The following TMEM244 variants were observed in gnomAD, a reference collection of about 807,000 sequenced individuals.
TMEM244 encodes the protein putative transmembrane protein 244.
TMEM244 carries 13 observed loss-of-function variants against 15.8 expected under a neutral mutation model. The ratio of observed to expected loss-of-function variants is 0.82; its 90% CI spans 0.53 to 1.30. The LOEUF is 1.30. TMEM244 is among the 50% of genes most tolerant of loss of function. The pLI is 0.00. For synonymous variants in TMEM244, 45 were observed against 48.7 expected (o/e 0.92, Z 0.32); for missense variants, 161 against 144.9 (o/e 1.11, Z -0.57).
intron 3 of TMEM244, among the ~76,000 whole-genome samples, chr6:129,835,249 C>T (rs1776386956): frequency 6.6e-6 from 1 of 151,972 alleles, no homozygotes; most frequent in African/African-American, 2.4e-5. Flanking sequence ...TTGAAAAAAA[C>T]TTAGCCTGGC....
chr6:129,838,288 A>C (rs1189148337), intron 3 of TMEM244, among the ~76,000 whole-genome samples: 2 of 152,234 alleles, frequency 1.3e-5, no homozygotes, highest in East Asian at 1.9e-4. Flanking sequence ...AACTCACTCA[A>C]AACCTCACAA....
chr6:129,838,823 A>T (rs1165528303), intron 3 of TMEM244, among the ~76,000 whole-genome samples: 1 of 152,220 alleles, frequency 6.6e-6, no homozygotes, highest in African/African-American at 2.4e-5. Context: ...AAACTAGAAA[A>T]TCTAGAAGAA....
rs61396594 is a variant in TMEM244, at chr6:129,856,597, A to T, written c.33+4559T>A. On this transcript the variant is annotated intron_variant, in intron 1 of 4. Coordinates refer to ENST00000368143, the MANE Select transcript of TMEM244 (RefSeq NM_001010876.2). ...TTTCACAGGTGTTGCAAATGTTCAA[A>T]TGTATAAACTTGTAAATATTAAATA... is the stretch of plus-strand genomic sequence containing the variant. Among the ~76,000 whole-genome samples, 972 of 152,256 alleles carry T rather than the reference A, an allele frequency of 6.4e-3. 15 individuals carry two copies. The highest frequency in any genetic ancestry group is 0.022 in the African/African-American group (933 of 41,558).
chr6:129,838,827 A>C (rs1029201435), intron 3 of TMEM244, among the ~76,000 whole-genome samples: 10 of 152,356 alleles, frequency 6.6e-5, no homozygotes, highest in Non-Finnish European at 8.8e-5. Flanking sequence ...TAGAAAATCT[A>C]GAAGAAATGG....
At chr6:129,852,985 G>A (rs897800054) in intron 1 of TMEM244, among the ~76,000 whole-genome samples, 3 of 152,064 alleles carry the variant, frequency 2.0e-5, no homozygotes, top group Non-Finnish European at 4.4e-5. Context: ...GTCTATTGAT[G>A]GAGCTCATTT....
chr6:129,847,800 G>A (rs1190203649), intron 1 of TMEM244, among the ~76,000 whole-genome samples: 2 of 140,628 alleles, frequency 1.4e-5, no homozygotes, highest in African/African-American at 5.3e-5. Context: ...TTGAGACAGA[G>A]TTTTGCTTTT....
At chr6:129,852,314 C>A (rs899441484) in intron 1 of TMEM244, among the ~76,000 whole-genome samples, 20 of 152,012 alleles carry the variant, frequency 1.3e-4, no homozygotes, top group African/African-American at 3.4e-4. Flanking sequence ...TGAGGAACAT[C>A]CCTAGGGGAT....
chr6:129,845,782 C>T lies in TMEM244; in HGVS notation c.104G>A (p.Gly35Asp), dbSNP rs1312269445. ...YTVYYVSLSM[G>D]CVMFEVHELN... Reference sequence around the variant, plus strand: ...TGCTACTTACTCAAACATCACGCAGCCCATGCTCAGGGACACATAGTACAC... The same window carrying T: ...TGCTACTTACTCAAACATCACGCAGTCCATGCTCAGGGACACATAGTACAC... Residue 35 changes from glycine to aspartate, a missense_variant, in exon 2 of 5, where the codon GGC becomes GAC. Gly to Asp is a moderately conservative substitution (Grantham distance 94, BLOSUM62 -1). Coordinates refer to ENST00000368143, the MANE Select transcript of TMEM244 (RefSeq NM_001010876.2). 4.3e-6 allele frequency: 7 copies of T among 1,612,130 alleles called. No individual in the cohort carries two copies. The highest frequency in any genetic ancestry group is 5.9e-6 in the Non-Finnish European group (7 of 1,179,156).
At chr6:129,851,871 AT>A (rs1179953114) in intron 1 of TMEM244, among the ~76,000 whole-genome samples, 3 of 152,318 alleles carry the variant, frequency 2.0e-5, no homozygotes, top group Admixed American at 2.0e-4. Context: ...TTTTAAATAT[AT>A]TTGGATCCTG....
intron 1 of TMEM244, among the ~76,000 whole-genome samples, chr6:129,857,596 G>A (rs1776732173): frequency 6.6e-6 from 1 of 151,958 alleles, no homozygotes; most frequent in Non-Finnish European, 1.5e-5. Context: ...CTGACCTCAG[G>A]TGATCCACCC....
chr6:129,850,605 A>G (rs1040183442), intron 1 of TMEM244, among the ~76,000 whole-genome samples: 4 of 152,246 alleles, frequency 2.6e-5, no homozygotes, highest in South Asian at 2.1e-4. Flanking sequence ...GCTGTCCAGC[A>G]GAAACACAAT....
intron 1 of TMEM244, among the ~76,000 whole-genome samples, chr6:129,851,089 T>G (rs1776632381): frequency 6.6e-6 from 1 of 152,162 alleles, no homozygotes; most frequent in Admixed American, 6.5e-5. Flanking sequence ...TTGGTTGTCT[T>G]TCATTTGCAT....
chr6:129,840,989 G>A (rs1161912813), intron 3 of TMEM244, among the ~76,000 whole-genome samples: 1 of 152,198 alleles, frequency 6.6e-6, no homozygotes, highest in Non-Finnish European at 1.5e-5. Context: ...GTGTAAACTA[G>A]TTCAACCATT....
intron 3 of TMEM244, among the ~76,000 whole-genome samples, chr6:129,836,101 T>G (rs1776401422): frequency 6.6e-6 from 1 of 152,116 alleles, no homozygotes; most frequent in Admixed American, 6.5e-5. Context: ...ACAGACAGAC[T>G]GCCTCCTCAA....
At chr6:129,833,795 A>G (rs1375869557) in intron 3 of TMEM244, among the ~76,000 whole-genome samples, 1 of 146,732 alleles carries the variant, frequency 6.8e-6, no homozygotes, top group Non-Finnish European at 1.5e-5. Context: ...GAAAACCACA[A>G]TATATCATTT....
At chr6:129,854,766 A>C (rs953857130) in intron 1 of TMEM244, among the ~76,000 whole-genome samples, 45 of 152,310 alleles carry the variant, frequency 3.0e-4, no homozygotes, top group Non-Finnish European at 5.9e-5. Flanking sequence ...CAATGTTTCA[A>C]ATTTACAACA....
intron 3 of TMEM244, among the ~76,000 whole-genome samples, chr6:129,841,125 A>G (rs1040966490): frequency 2.6e-5 from 4 of 152,146 alleles, no homozygotes; most frequent in Non-Finnish European, 5.9e-5. Flanking sequence ...ACATGCACAC[A>G]TATGTTTACT....
In TMEM244 at chr6:129,844,311, C is replaced by T. The variant is rs112123420; in HGVS notation, c.120-708G>A. On this transcript the variant is annotated intron_variant, in intron 2 of 4. Transcript: ENST00000368143. ...TTTTATTTGATGTCTCAGCTAGAAT[C>T]TTGATAGTTCCTGCCATCAAACGTA... 2.5e-3 allele frequency among the ~76,000 whole-genome samples: 387 copies of T among 152,286 alleles called. 1 individual carries two copies. Among genetic ancestry groups the T allele is most frequent in the African/African-American group, 8.7e-3 (363 of 41,568 alleles).
intron 3 of TMEM244, among the ~76,000 whole-genome samples, chr6:129,837,343 G>A (rs1322266738): frequency 1.3e-5 from 2 of 152,072 alleles, no homozygotes; most frequent in Admixed American, 1.3e-4. Context: ...AAGTGAAGGA[G>A]AATTAAAATC....
Sources: allele counts gnomAD v4.1 joint callset (sites outside exome capture counted in the v4.1 genomes callset), GRCh38; gene constraint gnomAD v4.1.1; transcripts MANE v1.5; gene names NCBI Gene and HGNC (gene_info 2026-07-23, HGNC 2026-07-21).